CDH4: variants seen among roughly 807,000 people sequenced by gnomAD.
The protein encoded by CDH4 is cadherin-4.
A neutral mutation model predicts 86.0 loss-of-function variants in CDH4; 33 were observed. The ratio of observed to expected loss-of-function variants is 0.38; its 90% CI spans 0.29 to 0.51. The LOEUF (loss-of-function observed/expected upper bound fraction) is 0.51, where lower values mean the gene tolerates loss of function less well. Among genes scored for constraint, CDH4 ranks in the 20% least tolerant of loss-of-function variants. The pLI is 0.86. For synonymous variants in CDH4, 555 were observed against 549.4 expected, an observed-to-expected ratio of 1.01 and a Z score of -0.14; for missense variants, 1,114 against 1,307.4, an observed-to-expected ratio of 0.85 and a Z score of 2.28.
chr20:61,856,766 C>T (rs1371762688), intron 6 of CDH4, among the ~76,000 whole-genome samples: 2 of 152,158 alleles, frequency 1.3e-5, no homozygotes, highest in Non-Finnish European at 2.9e-5. Flanking sequence ...GCACCGTGGC[C>T]GGCTCTTTTG....
chr20:61,269,387 C>G lies in CDH4; in HGVS notation c.169+14450C>G, dbSNP rs2084172469. Among the ~76,000 whole-genome samples the G allele has an allele frequency of 6.6e-6, 1 of 152,090 alleles. No homozygotes were observed. Among genetic ancestry groups the G allele is most frequent in the East Asian group, 1.9e-4 (1 of 5,168 alleles). On this transcript the variant is annotated intron_variant, in intron 2 of 15. Coordinates refer to ENST00000614565, the MANE Select transcript of CDH4 (RefSeq NM_001794.5). This position sits in a 1 kb window ranked among gnomAD's most constrained non-coding sequence, Gnocchi z 5.3. ...TGGTATACCCCGTTGCCTGGAGAGT[C>G]CACATTTCTAATCCTTAGCCATCAG...
intron 13 of CDH4, among the ~76,000 whole-genome samples, chr20:61,930,572 C>T (rs774566882): frequency 1.8e-4 from 28 of 152,206 alleles, no homozygotes; most frequent in Non-Finnish European, 2.4e-4. Flanking sequence ...TCCCCCACCA[C>T]GTCCAGAACA....
At chr20:61,745,217 C>T (rs2088399502) in intron 3 of CDH4, among the ~76,000 whole-genome samples, 1 of 152,212 alleles carries the variant, frequency 6.6e-6, no homozygotes, top group South Asian at 2.1e-4. Context: ...GTGGGTTTCC[C>T]AGAACCTCAT....
intron 2 of CDH4, among the ~76,000 whole-genome samples, chr20:61,388,669 G>C (rs1273220043): frequency 6.6e-6 from 1 of 152,170 alleles, no homozygotes; most frequent in Non-Finnish European, 1.5e-5. Flanking sequence ...TTGTGCTACA[G>C]CTTGATTTTT....
At position 61,279,698 on chromosome 20, in the gene CDH4, A is replaced by G. The variant is rs577848093; in HGVS notation, c.169+24761A>G. On this transcript the variant is annotated intron_variant, in intron 2 of 15. Transcript: ENST00000614565. Reference sequence around the variant, plus strand: ...TTTCCCGGGAACGTAGACATGGCCCATCCTTCCAATTTCCGAGAAATGGGG... The same window carrying G: ...TTTCCCGGGAACGTAGACATGGCCCGTCCTTCCAATTTCCGAGAAATGGGG... Among the ~76,000 whole-genome samples the G allele has an allele frequency of 3.9e-4, 60 of 152,282 alleles. 1 individual carries two copies. Among genetic ancestry groups the G allele is most frequent in the Middle Eastern group, 3.4e-3 (1 of 294 alleles).
chr20:61,623,888 G>A lies in CDH4; in HGVS notation c.170-119675G>A, dbSNP rs1381406436. On this transcript the variant is annotated intron_variant, in intron 2 of 15. Coordinates refer to ENST00000614565, the MANE Select transcript of CDH4 (RefSeq NM_001794.5). This position sits in a 1 kb window ranked among gnomAD's most constrained non-coding sequence, Gnocchi z 4.4. Reference sequence around the variant, plus strand: ...GCAGGAAGGACACGGTTCCTAGAGCGAGGAACACCCCAGAATCTGAGGAGG... The same window carrying A: ...GCAGGAAGGACACGGTTCCTAGAGCAAGGAACACCCCAGAATCTGAGGAGG... 1.1e-4 allele frequency among the ~76,000 whole-genome samples: 16 copies of A among 151,150 alleles called. No individual in the cohort carries two copies. The highest frequency in any genetic ancestry group is 2.6e-4 in the Admixed American group (4 of 15,204).
intron 8 of CDH4, among the ~76,000 whole-genome samples, chr20:61,904,217 G>A (rs1034778071): frequency 8.5e-5 from 13 of 152,294 alleles, no homozygotes; most frequent in African/African-American, 3.1e-4. Flanking sequence ...GATCAGCACG[G>A]CAGCAACTCA....
chr20:61,319,753 C>G (rs1055353654), intron 2 of CDH4, among the ~76,000 whole-genome samples: 1 of 151,462 alleles, frequency 6.6e-6, no homozygotes, highest in Non-Finnish European at 1.5e-5. Context: ...CAAGACCACC[C>G]TGGCCAAAAC....
intron 2 of CDH4, among the ~76,000 whole-genome samples, chr20:61,469,462 C>T (rs1229976233): frequency 6.6e-6 from 1 of 152,086 alleles, no homozygotes; most frequent in Non-Finnish European, 1.5e-5. Context: ...GGTTACTAAT[C>T]CCTTGTCAGG....
chr20:61,639,981 T>A (rs1197883567), intron 2 of CDH4, among the ~76,000 whole-genome samples: 1 of 152,190 alleles, frequency 6.6e-6, no homozygotes, highest in Non-Finnish European at 1.5e-5. Context: ...TTTGAAGTAA[T>A]TACTGTCTTA....
intron 2 of CDH4, among the ~76,000 whole-genome samples, chr20:61,597,514 G>T (rs2086565773): frequency 6.6e-6 from 1 of 152,248 alleles, no homozygotes; most frequent in African/African-American, 2.4e-5. Context: ...CCTTCTGGCA[G>T]ATCCAGAGAG....
chr20:61,933,935 G>T, intron 14 of CDH4, 121 bp from the exon 15 acceptor site: 1 of 1,122,982 alleles, frequency 8.9e-7, no homozygotes, highest in South Asian at 1.4e-5. Context: ...GGGATGCTTG[G>T]AGACCAGGCC....
chr20:61,845,718 G>A (rs1349387300), intron 5 of CDH4, among the ~76,000 whole-genome samples: 6 of 152,210 alleles, frequency 3.9e-5, no homozygotes, highest in Admixed American at 6.5e-5. Flanking sequence ...CTGGTGAGGC[G>A]TTCAGCACAA....
At chr20:61,830,457 C>T (rs1195200563) in intron 4 of CDH4, among the ~76,000 whole-genome samples, 3 of 148,162 alleles carry the variant, frequency 2.0e-5, no homozygotes, top group South Asian at 2.2e-4. Flanking sequence ...CTCTGCCATC[C>T]GGCCCAGGGC....
At chr20:61,330,126 T>A (rs2123260152) in intron 2 of CDH4, among the ~76,000 whole-genome samples, 1 of 152,328 alleles carries the variant, frequency 6.6e-6, no homozygotes, top group South Asian at 2.1e-4. Context: ...TTTGCTATTG[T>A]GAATAGGGCT....
intron 2 of CDH4, among the ~76,000 whole-genome samples, chr20:61,635,035 G>A (rs530473744): frequency 1.3e-4 from 20 of 152,298 alleles, no homozygotes; most frequent in African/African-American, 2.4e-4. Flanking sequence ...TTTCGTGCCC[G>A]TCTGCCCGTG....
At chr20:61,559,920 C>T (rs921627670) in intron 2 of CDH4, among the ~76,000 whole-genome samples, 3 of 152,154 alleles carry the variant, frequency 2.0e-5, no homozygotes, top group African/African-American at 7.2e-5. Context: ...TGGCCTTCCT[C>T]GGAAGAGTGG....
intron 6 of CDH4, among the ~76,000 whole-genome samples, chr20:61,856,839 TC>T (rs1430383168): frequency 6.6e-6 from 1 of 152,146 alleles, no homozygotes; most frequent in Non-Finnish European, 1.5e-5. Flanking sequence ...CCCCAGGGGC[TC>T]CCCGAGCAAG....
chr20:61,334,048 C>G (rs2084602634), intron 2 of CDH4, among the ~76,000 whole-genome samples: 1 of 152,196 alleles, frequency 6.6e-6, no homozygotes, highest in Non-Finnish European at 1.5e-5. Context: ...TCTTCTCCAG[C>G]TTTGGAGGGT....
Sources: gnomAD v4.1 joint callset for allele counts (sites outside exome capture counted in the v4.1 genomes callset) on GRCh38, gnomAD v4.1.1 for gene constraint, Gnocchi (gnomAD v3.1) non-coding constraint, MANE v1.5 for transcripts, NCBI Gene and HGNC (gene_info 2026-07-23, HGNC 2026-07-21) for gene names.